SCN11A: variants seen among roughly 807,000 people sequenced by gnomAD.
SCN11A encodes the protein sodium voltage-gated channel alpha subunit 11.
A neutral mutation model predicts 162.2 loss-of-function variants in SCN11A; 122 were observed. The ratio of observed to expected loss-of-function variants is 0.75; its 90% confidence interval spans 0.65 to 0.87. The LOEUF (loss-of-function observed/expected upper bound fraction) is 0.87, where lower values mean the gene tolerates loss of function less well. SCN11A is among the 40% of genes least tolerant of loss of function. The probability of loss-of-function intolerance (pLI) is 0.00; values close to 1 mark genes in which losing one functional copy is unlikely to be tolerated. For missense variants in SCN11A, 2,015 were observed against 2,181.6 expected (o/e 0.92, Z 1.52); for synonymous variants, 758 against 751.5 (o/e 1.01, Z -0.14).
intron 2 of SCN11A, among the ~76,000 whole-genome samples, chr3:39,011,380 A>C (rs1168330442): frequency 6.6e-6 from 1 of 152,218 alleles, no homozygotes; most frequent in African/African-American, 2.4e-5. Flanking sequence ...GGGTCAGCAG[A>C]AAGGAATGTT....
intron 2 of SCN11A, among the ~76,000 whole-genome samples, chr3:38,976,736 C>T (rs2066852175): frequency 6.6e-6 from 1 of 152,122 alleles, no homozygotes; most frequent in Non-Finnish European, 1.5e-5. Context: ...ATCTCATTGG[C>T]TTCTCCCTTA....
intron 2 of SCN11A, among the ~76,000 whole-genome samples, chr3:38,999,807 C>T (rs1223141233): frequency 6.6e-6 from 1 of 152,142 alleles, no homozygotes; most frequent in African/African-American, 2.4e-5. Context: ...TTGGGATGAC[C>T]TTTGCTTCCC....
intron 2 of SCN11A, among the ~76,000 whole-genome samples, chr3:38,989,547 A>G (rs2030384314): frequency 6.6e-6 from 1 of 152,228 alleles, no homozygotes; most frequent in Admixed American, 6.5e-5. Context: ...TCAACAGGCA[A>G]CAAAAAGATG....
At chr3:38,863,979 T>C (rs2065004488) in intron 27 of SCN11A, among the ~76,000 whole-genome samples, 1 of 152,128 alleles carries the variant, frequency 6.6e-6, no homozygotes, top group South Asian at 2.1e-4. Flanking sequence ...CCCAAAGCCA[T>C]GGCTGGTCTT....
intron 5 of SCN11A, among the ~76,000 whole-genome samples, chr3:38,948,114 C>G (rs1186423687): frequency 6.6e-6 from 1 of 152,126 alleles, no homozygotes; most frequent in Non-Finnish European, 1.5e-5. Context: ...TTTTTCTTTG[C>G]CCCCATAATA....
In SCN11A at chr3:38,945,398, G is replaced by A. The variant is rs2066500784; in HGVS notation, c.488+13C>T. On this transcript the variant is annotated intron_variant, in intron 7 of 29. Coordinates refer to ENST00000302328, the MANE Select transcript of SCN11A (RefSeq NM_001349253.2). Reference sequence around the variant, plus strand: ...AAAAACTTAGGACAGGTGAGTGAAGGAAAAATACTTACTCTGCAATGTCAG... The same window carrying A: ...AAAAACTTAGGACAGGTGAGTGAAGAAAAAATACTTACTCTGCAATGTCAG... 1.3e-6 allele frequency: 2 copies of A among 1,583,332 alleles called. No homozygotes were observed. Among genetic ancestry groups the A allele is most frequent in the Non-Finnish European group, 1.7e-6 (2 of 1,153,772 alleles).
In SCN11A at chr3:38,950,229, C is replaced by T. The variant is rs778518459; in HGVS notation, c.134G>A (p.Gly45Glu). ...CTGAGGCCGAGGCTGGGGTACTTCTCCTGTCTGGTCTTTAGACTTCTTTTT... is the reference window on the plus strand; with the variant it reads ...CTGAGGCCGAGGCTGGGGTACTTCTTCTGTCTGGTCTTTAGACTTCTTTTT... Reference protein sequence around the residue: ...KEKKKSKDQTGEVPQPRPQLD... With the variant: ...KEKKKSKDQTEEVPQPRPQLD... Residue 45 changes from glycine (G) to glutamate (E), a missense_variant, in exon 5 of 30, where the codon GGA becomes GAA. By Grantham distance (98) the Gly-to-Glu change is moderately conservative. Coordinates refer to ENST00000302328, the MANE Select transcript of SCN11A (RefSeq NM_001349253.2). 3.1e-6 allele frequency: 5 copies of T among 1,614,028 alleles called. No homozygotes were observed. In the Admixed American group the frequency reaches 8.3e-5, roughly 27 times the overall value.
chr3:38,968,315 TGGC>T (rs1264335281), intron 2 of SCN11A, among the ~76,000 whole-genome samples: 13 of 152,226 alleles, frequency 8.5e-5, no homozygotes, highest in Admixed American at 3.9e-4. Context: ...TGGCCCCACC[TGGC>T]TCAGGGGCCT....
intron 2 of SCN11A, among the ~76,000 whole-genome samples, chr3:39,001,906 G>A (rs1298015100): frequency 2.6e-5 from 4 of 151,990 alleles, no homozygotes; most frequent in Admixed American, 6.6e-5. Flanking sequence ...GCGTGGTGGC[G>A]GGCGCCTGTA....
At chr3:38,969,825 A>G (rs2066805740) in intron 2 of SCN11A, among the ~76,000 whole-genome samples, 1 of 152,210 alleles carries the variant, frequency 6.6e-6, no homozygotes, top group Non-Finnish European at 1.5e-5. Context: ...CTCCACCTTA[A>G]GTTAACTGCT....
intron 19 of SCN11A, 21 bp downstream of exon 19, chr3:38,894,512 T>G: frequency 6.4e-7 from 1 of 1,567,716 alleles, no homozygotes. Flanking sequence ...GACCTTTAAG[T>G]CTATGTGTGA....
intron 28 of SCN11A, among the ~76,000 whole-genome samples, chr3:38,853,916 T>A (rs1310941012): frequency 6.6e-6 from 1 of 152,156 alleles, no homozygotes; most frequent in Non-Finnish European, 1.5e-5. Flanking sequence ...TCAATTAGAC[T>A]GCAAGCACAG....
chr3:38,971,726 G>A (rs1180191614), intron 2 of SCN11A, among the ~76,000 whole-genome samples: 2 of 152,142 alleles, frequency 1.3e-5, no homozygotes, highest in Non-Finnish European at 2.9e-5. Context: ...TCCCCTCCCT[G>A]TTTCTTGGTG....
chr3:38,884,945 C>A (rs1411508802), intron 21 of SCN11A, among the ~76,000 whole-genome samples: 2 of 152,248 alleles, frequency 1.3e-5, no homozygotes, highest in Non-Finnish European at 2.9e-5. Flanking sequence ...TGTCTAAACT[C>A]TTTTCTTGGT....
Position 38,886,116 on chromosome 3 carries a change from GA to G in SCN11A, c.2949+8del. On this transcript the variant is annotated splice_region_variant and intron_variant, in intron 20 of 29. Coordinates refer to ENST00000302328, the MANE Select transcript of SCN11A (RefSeq NM_001349253.2). Reference sequence around the variant, plus strand: ...ACAAGTTCCTCTGACAACATCCTAGGAAAATTACCTTTCGGGGATCCTGTAT... The same window carrying G: ...ACAAGTTCCTCTGACAACATCCTAGGAAATTACCTTTCGGGGATCCTGTAT... 1.3e-6 allele frequency: 2 copies of G among 1,586,496 alleles called. No homozygotes were observed. The highest frequency in any genetic ancestry group is 1.7e-6 in the Non-Finnish European group (2 of 1,156,278).
At chr3:38,905,713 T>C (rs1441739516) in intron 14 of SCN11A, among the ~76,000 whole-genome samples, 1 of 152,184 alleles carries the variant, frequency 6.6e-6, no homozygotes, top group Non-Finnish European at 1.5e-5. Flanking sequence ...AGTATAAATT[T>C]AGAAAGGTGG....
rs368803726 is a variant in SCN11A at position 38,847,424 on chromosome 3, G to A, written c.4646C>T (p.Thr1549Ile). The A allele has an allele frequency of 3.1e-6, 5 of 1,614,198 alleles. No homozygotes were observed. The highest frequency in any genetic ancestry group is 4.2e-6 in the Non-Finnish European group (5 of 1,180,036). ...GAGCAGGGAATCCCAACCTGCTGAT[G>A]TGCTTATCTGGAAGAGACAGAGCAT... ...SSMLCLFQISTSAGWDSLLSP... is the reference protein window; with the variant it reads ...SSMLCLFQISISAGWDSLLSP... The change falls in exon 30 of 30, where the codon ACA (threonine) becomes ATA (isoleucine). Residue 1549 changes from threonine (T) to isoleucine (I), a missense_variant. Transcript: ENST00000302328.
chr3:38,958,578 A>G (rs545585120), intron 3 of SCN11A, among the ~76,000 whole-genome samples: 3 of 152,346 alleles, frequency 2.0e-5, no homozygotes, highest in African/African-American at 7.2e-5. Context: ...TTTAGAAATC[A>G]GGAAAAGGAA....
chr3:39,024,936 A>G (rs936329695), intron 2 of SCN11A, among the ~76,000 whole-genome samples: 1 of 152,218 alleles, frequency 6.6e-6, no homozygotes, highest in Admixed American at 6.5e-5. Flanking sequence ...AGGCTCCTGT[A>G]TATACACATT....
Sources: gnomAD v4.1 joint callset for allele counts (sites outside exome capture counted in the v4.1 genomes callset) on GRCh38, gnomAD v4.1.1 for gene constraint, MANE v1.5 for transcripts, NCBI Gene and HGNC (gene_info 2026-07-23, HGNC 2026-07-21) for gene names.